Variants in ST3GAL5 observed in about 807,000 individuals in gnomAD.
ST3GAL5 encodes lactosylceramide alpha-2,3-sialyltransferase.
Under a neutral mutation model 46.1 loss-of-function variants are expected in ST3GAL5, and 25 were observed. The observed-to-expected ratio is 0.54, with a 90% CI of 0.40 to 0.76. The LOEUF is 0.76. ST3GAL5 is among the 30% of genes least tolerant of loss of function. The pLI is 0.00. For missense variants in ST3GAL5, 431 were observed against 521.2 expected (o/e 0.83, Z 1.69); for synonymous variants, 182 against 192.7 (o/e 0.94, Z 0.46).
intron 6 of ST3GAL5, among the ~76,000 whole-genome samples, chr2:85,843,202 G>A (rs1682362584): frequency 6.6e-6 from 1 of 152,046 alleles, no homozygotes; most frequent in African/African-American, 2.4e-5. Context: ...GCTGTTTTTA[G>A]TCCTCTGCTG....
At chr2:85,872,770 G>A (rs1686090708) in intron 1 of ST3GAL5, among the ~76,000 whole-genome samples, 1 of 152,158 alleles carries the variant, frequency 6.6e-6, no homozygotes, top group Admixed American at 6.5e-5. Flanking sequence ...CACCTAGACA[G>A]GGACCTACCA....
intron 1 of ST3GAL5, among the ~76,000 whole-genome samples, chr2:85,868,453 C>T (rs1685527895): frequency 6.6e-6 from 1 of 151,694 alleles, no homozygotes; most frequent in Admixed American, 6.6e-5. Context: ...AGGCACACAC[C>T]ACCATGCCGA....
rs1290944422 is a variant in ST3GAL5, at chr2:85,847,900, T to C, written c.623A>G (p.Glu208Gly). 1.9e-6 allele frequency: 3 copies of C among 1,613,996 alleles called. No individual in the cohort carries two copies. Among genetic ancestry groups the C allele is most frequent in the Non-Finnish European group, 2.5e-6 (3 of 1,180,040 alleles). Residue 208 changes from glutamate (E) to glycine (G), a missense_variant, in exon 4 of 7, where the codon GAA becomes GGA. By Grantham distance (98) the Glu-to-Gly change is moderately conservative. Coordinates refer to ENST00000638572, the MANE Select transcript of ST3GAL5 (RefSeq NM_003896.4). Reference sequence around the variant, plus strand: ...GAACTGGTTCAGGGTGTGGCCCAGTTCTAATCCGTGCAGTATTCCTCCGCT... The same window carrying C: ...GAACTGGTTCAGGGTGTGGCCCAGTCCTAATCCGTGCAGTATTCCTCCGCT... ...IGSGGILHGL[E>G]LGHTLNQFDV... is the part of the protein sequence containing the mutation.
chr2:85,863,213 C>T, intron 2 of ST3GAL5, 149 bp downstream of exon 2: 1 of 1,461,338 alleles, frequency 6.8e-7, no homozygotes, highest in African/African-American at 1.4e-5. Flanking sequence ...AGTCTTTACT[C>T]AGACGTGCCT....
In ST3GAL5 at chr2:85,851,748, C is replaced by T. The variant is rs769235517; in HGVS notation, c.319-3544G>A. On this transcript the variant is annotated intron_variant, in intron 3 of 6. Coordinates refer to ENST00000638572, the MANE Select transcript of ST3GAL5 (RefSeq NM_003896.4). ...CAGTGTGACTAGGCTGTGAGGACTC[C>T]AGAGCTCCCAGGAAGGCCTCAGAGG... 2.6e-5 allele frequency: 34 copies of T among 1,288,234 alleles called. No homozygotes were observed. The East Asian group carries it at 3.3e-4, about 13-fold the overall frequency. 79.8% of individuals were successfully genotyped at this position (1,288,234 alleles called of 1,614,324 possible). A position where few individuals can be genotyped will look rare whatever the true frequency, so the allele number is the denominator to read the frequency against.
At chr2:85,862,552 A>G (rs1199922248) in intron 2 of ST3GAL5, among the ~76,000 whole-genome samples, 1 of 152,188 alleles carries the variant, frequency 6.6e-6, no homozygotes, top group Non-Finnish European at 1.5e-5. Context: ...TCTGTAGCAC[A>G]TATCAGACTG....
chr2:85,873,827 C>A (rs1243799901), intron 1 of ST3GAL5, among the ~76,000 whole-genome samples: 1 of 152,208 alleles, frequency 6.6e-6, no homozygotes, highest in Non-Finnish European at 1.5e-5. Context: ...GGCTGCAAAG[C>A]ATACAGATTC....
At chr2:85,867,907 T>C (rs1391989900) in intron 1 of ST3GAL5, 4 of 527,176 alleles carry the variant, frequency 7.6e-6, no homozygotes, top group Admixed American at 2.6e-5. Context: ...GCATCCAAGA[T>C]GGCATTGCTT....
At chr2:85,877,749 A>G (rs1686740887) in intron 1 of ST3GAL5, among the ~76,000 whole-genome samples, 1 of 152,212 alleles carries the variant, frequency 6.6e-6, no homozygotes, top group Admixed American at 6.5e-5. Context: ...TGACTCTGTG[A>G]GGTCAAACAA....
chr2:85,861,181 C>CT lies in ST3GAL5; in HGVS notation c.317dup (p.Arg107GlufsTer28). ...AAACCACACCAATGGGATATCTAAC[C>CT]TTTACATGGTCAGGGTCCACATAAT... On this transcript the variant is annotated frameshift_variant and splice_region_variant, in exon 3 of 7. Transcript: ENST00000638572. LOFTEE classifies it high-confidence loss of function. 6.3e-7 allele frequency: 1 copy of CT among 1,587,086 alleles called. No individual in the cohort carries two copies. Among genetic ancestry groups the CT allele is most frequent in the Admixed American group, 1.7e-5 (1 of 59,986 alleles).
intron 1 of ST3GAL5, among the ~76,000 whole-genome samples, chr2:85,886,673 C>T (rs1376238780): frequency 4.6e-5 from 7 of 152,124 alleles, no homozygotes; most frequent in Admixed American, 4.6e-4. Flanking sequence ...CTCCTCTGCA[C>T]GTGTGCTTAA....
At chr2:85,843,482 G>A (rs907321980) in intron 6 of ST3GAL5, among the ~76,000 whole-genome samples, 7 of 152,232 alleles carry the variant, frequency 4.6e-5, no homozygotes, top group Middle Eastern at 3.4e-3. Context: ...TTGATTATTG[G>A]TAAAGTTGAA....
intron 1 of ST3GAL5, among the ~76,000 whole-genome samples, chr2:85,873,230 C>T (rs975095580): frequency 9.2e-5 from 14 of 152,184 alleles, no homozygotes; most frequent in African/African-American, 1.7e-4. Context: ...ATGGGACCAC[C>T]GTGAGAGCAA....
intron 3 of ST3GAL5, chr2:85,860,895 C>A: frequency 2.4e-6 from 1 of 408,438 alleles, no homozygotes; most frequent in Non-Finnish European, 4.5e-6. Flanking sequence ...TTTATAGCAT[C>A]AGGGCAAATT....
chr2:85,852,276 C>G (rs1470083279), intron 3 of ST3GAL5, among the ~76,000 whole-genome samples: 1 of 152,202 alleles, frequency 6.6e-6, no homozygotes, highest in Admixed American at 6.5e-5. Flanking sequence ...ATCACGTGAT[C>G]TGGGGGCATC....
chr2:85,867,773 G>A (rs1685445675), intron 1 of ST3GAL5: 3 of 703,058 alleles, frequency 4.3e-6, no homozygotes, highest in African/African-American at 1.8e-5. Context: ...CGAAGGGCAG[G>A]ACTTATGGTA....
At chr2:85,864,241 C>T (rs1363046301) in intron 1 of ST3GAL5, among the ~76,000 whole-genome samples, 1 of 152,060 alleles carries the variant, frequency 6.6e-6, no homozygotes, top group Non-Finnish European at 1.5e-5. Flanking sequence ...GTAAAGCATA[C>T]ACAAAATCTC....
intron 1 of ST3GAL5, among the ~76,000 whole-genome samples, chr2:85,872,782 C>T (rs1387969253): frequency 6.6e-6 from 1 of 152,158 alleles, no homozygotes; most frequent in African/African-American, 2.4e-5. Flanking sequence ...GACCTACCAT[C>T]CGTGGGGAAG....
chr2:85,882,225 C>A (rs1687236498), intron 1 of ST3GAL5, among the ~76,000 whole-genome samples: 1 of 152,232 alleles, frequency 6.6e-6, no homozygotes, highest in Non-Finnish European at 1.5e-5. Flanking sequence ...CATGGAGAAC[C>A]TCTGTTAGGG....
Sources: gnomAD v4.1 joint callset for allele counts (sites outside exome capture counted in the v4.1 genomes callset) on GRCh38, gnomAD v4.1.1 for gene constraint, MANE v1.5 for transcripts, NCBI Gene and HGNC (gene_info 2026-07-23, HGNC 2026-07-21) for gene names.